NUP58: variants seen among roughly 807,000 people sequenced by gnomAD.
NUP58 encodes the protein nucleoporin 58, also known as nucleoporin p58/p45.
Under a neutral mutation model 70.1 loss-of-function variants are expected in NUP58, and 17 were observed. The ratio of observed to expected loss-of-function variants is 0.24; its 90% CI spans 0.17 to 0.36. NUP58 has a LOEUF of 0.36. NUP58 is among the 10% of genes least tolerant of loss of function. The probability of loss-of-function intolerance (pLI) is 1.00; values close to 1 mark genes in which losing one functional copy is unlikely to be tolerated. For missense variants in NUP58, 644 were observed against 701.5 expected (o/e 0.92, Z 0.93); for synonymous variants, 275 against 257.6 (o/e 1.07, Z -0.65).
At chr13:25,306,414 A>T (rs1476298770) in intron 1 of NUP58, among the ~76,000 whole-genome samples, 2 of 151,702 alleles carry the variant, frequency 1.3e-5, no homozygotes, top group Non-Finnish European at 2.9e-5. Context: ...AAAAAAAAAA[A>T]ATCTGCTAAG....
chr13:25,308,020 C>A, intron 2 of NUP58, 72 bp downstream of exon 2: 1 of 1,544,930 alleles, frequency 6.5e-7, no homozygotes, highest in Non-Finnish European at 8.8e-7. Flanking sequence ...TCCTGTATCT[C>A]TCTTTACAAG....
intron 3 of NUP58, among the ~76,000 whole-genome samples, chr13:25,348,984 G>C (rs1292426813): frequency 6.6e-6 from 1 of 152,082 alleles, no homozygotes; most frequent in African/African-American, 2.4e-5. Context: ...TTTCACACCA[G>C]GGGCTGTTTC....
At chr13:25,310,388 T>G (rs2030601672) in intron 3 of NUP58, among the ~76,000 whole-genome samples, 1 of 151,584 alleles carries the variant, frequency 6.6e-6, no homozygotes, top group South Asian at 2.1e-4. Flanking sequence ...GCCTGGCTAA[T>G]TTTGTATTTT....
intron 11 of NUP58, 74 bp downstream of exon 11, chr13:25,327,108 T>A: frequency 1.2e-6 from 1 of 807,264 alleles, no homozygotes; most frequent in East Asian, 2.6e-5. Context: ...TAATAGGTAT[T>A]TTGGATAACT....
At position 25,337,156 on chromosome 13, in the gene NUP58, A is replaced by G. The variant is rs1261282658; in HGVS notation, c.1534+122A>G. 4 of 505,278 alleles carry G rather than the reference A, an allele frequency of 7.9e-6. No individual in the cohort carries two copies. The South Asian group carries it at 1.2e-4, about 16-fold the overall frequency. The allele number at this position is 505,278 out of a possible 1,614,324, so 31.3% of individuals were successfully genotyped here. On this transcript the variant is annotated intron_variant, in intron 14 of 15. Coordinates refer to ENST00000381736, the MANE Select transcript of NUP58 (RefSeq NM_014089.4). Reference sequence around the variant, plus strand: ...TTGGAAGTTAAGGTTCCATCTGGCAAAAATGATTCTCAAACATAATTATTG... The same window carrying G: ...TTGGAAGTTAAGGTTCCATCTGGCAGAAATGATTCTCAAACATAATTATTG...
intron 6 of NUP58, among the ~76,000 whole-genome samples, chr13:25,315,759 T>C (rs2030901645): frequency 6.6e-6 from 1 of 152,200 alleles, no homozygotes. Context: ...TAGTCAACCA[T>C]TGTTCTCTTG....
downstream of NUP58, among the ~76,000 whole-genome samples, chr13:25,346,549 GTC>G (rs1346715000): frequency 1.3e-5 from 2 of 151,946 alleles, no homozygotes; most frequent in Non-Finnish European, 2.9e-5. Context: ...GAGAAACCCT[GTC>G]TCTACTAAAA....
chr13:25,311,711 T>C (rs2030677789), intron 3 of NUP58, among the ~76,000 whole-genome samples: 1 of 150,626 alleles, frequency 6.6e-6, no homozygotes, highest in South Asian at 2.1e-4. Context: ...ACCAAGATAA[T>C]TTTAAGAATA....
chr13:25,309,511 G>C (rs1248128041), intron 3 of NUP58: 3 of 409,134 alleles, frequency 7.3e-6, no homozygotes, highest in African/African-American at 6.3e-5. Flanking sequence ...TTTAAATGCA[G>C]AAATTGTTTT....
chr13:25,349,258 A>C (rs576384422), intron 3 of NUP58, among the ~76,000 whole-genome samples: 2 of 152,294 alleles, frequency 1.3e-5, no homozygotes, highest in East Asian at 3.9e-4. Flanking sequence ...TAATTAAATA[A>C]TGCAGTGGGA....
At chr13:25,327,603 A>T (rs2137800067) in intron 12 of NUP58, 91 bp downstream of exon 12, 1 of 726,354 alleles carries the variant, frequency 1.4e-6, no homozygotes, top group South Asian at 2.1e-5. Flanking sequence ...TGATACAGAA[A>T]TAGCTAAAAT....
At chr13:25,320,482 C>T (rs1267566208) in intron 7 of NUP58, 48 bp from the exon 8 acceptor site, 4 of 1,395,734 alleles carry the variant, frequency 2.9e-6, no homozygotes, top group Non-Finnish European at 3.0e-6. Context: ...CAGCTGTCAA[C>T]TTTTTAAAAT....
chr13:25,329,926 G>C (rs1278157738), intron 12 of NUP58, among the ~76,000 whole-genome samples: 3 of 152,040 alleles, frequency 2.0e-5, no homozygotes, highest in Admixed American at 2.0e-4. Context: ...GGGCCCAAGC[G>C]ATCCTCCCGC....
intron 13 of NUP58, chr13:25,335,945 A>G: frequency 9.1e-7 from 1 of 1,100,142 alleles, no homozygotes; most frequent in Non-Finnish European, 1.1e-6. Context: ...CAAATGAGAG[A>G]TTTTTAGATT....
chr13:25,306,900 C>T (rs2030389286), intron 1 of NUP58, among the ~76,000 whole-genome samples: 1 of 152,056 alleles, frequency 6.6e-6, no homozygotes, highest in Non-Finnish European at 1.5e-5. Context: ...ATACATGATC[C>T]TGAGACAGGG....
At chr13:25,313,956 T>G (rs554727974) in intron 5 of NUP58, among the ~76,000 whole-genome samples, 1 of 152,248 alleles carries the variant, frequency 6.6e-6, no homozygotes, top group South Asian at 2.1e-4. Context: ...TGAGATGGAG[T>G]CTTGCTCTGT....
In NUP58 at chr13:25,304,516, A is replaced by ATATG. The variant is rs1491109872; in HGVS notation, c.107+2637_107+2638insATGT. Among the ~76,000 whole-genome samples the ATATG allele has an allele frequency of 7.5e-4, 39 of 52,242 alleles. 1 individual carries two copies. Among genetic ancestry groups the ATATG allele is most frequent in the African/African-American group, 2.2e-3 (38 of 17,514 alleles). 34.3% of individuals were successfully genotyped at this position (52,242 alleles called of 152,430 possible). ...TATATATATATATATATATATATAT[A>ATATG]TGTATTTTTTTTTTTTTTTAAGACA... is the stretch of plus-strand genomic sequence containing the variant. On this transcript the variant is annotated intron_variant, in intron 1 of 15. Coordinates refer to ENST00000381736, the MANE Select transcript of NUP58 (RefSeq NM_014089.4).
At chr13:25,309,021 A>G (rs181928250) in intron 2 of NUP58, among the ~76,000 whole-genome samples, 1 of 152,302 alleles carries the variant, frequency 6.6e-6, no homozygotes, top group East Asian at 1.9e-4. Context: ...AGTTATTTGC[A>G]TTTTATAAAT....
intron 3 of NUP58, among the ~76,000 whole-genome samples, chr13:25,347,793 A>G (rs1457933703): frequency 1.3e-5 from 2 of 152,198 alleles, no homozygotes; most frequent in African/African-American, 2.4e-5. Flanking sequence ...ATCATTGTTT[A>G]CATCTTCTCA....
Sources: gnomAD v4.1 joint callset for allele counts (sites outside exome capture counted in the v4.1 genomes callset) on GRCh38, gnomAD v4.1.1 for gene constraint, MANE v1.5 for transcripts, NCBI Gene and HGNC (gene_info 2026-07-23, HGNC 2026-07-21) for gene names.